Variants in SKIC3 observed in about 807,000 individuals in gnomAD.
SKIC3 encodes SKI3 subunit of superkiller complex.
the SKIC3 span, among the ~76,000 whole-genome samples, chr5:95,499,748 A>T: frequency 1.3e-5 from 2 of 152,184 alleles, no homozygotes; most frequent in African/African-American, 4.8e-5. Flanking sequence ...AGCACTTTAC[A>T]TAATAAGTAC....
At chr5:95,469,036 CT>C in the SKIC3 span, among the ~76,000 whole-genome samples, 2 of 152,098 alleles carry the variant, frequency 1.3e-5, no homozygotes, top group African/African-American at 4.8e-5. Context: ...TGTGATGTGT[CT>C]TTTGCTACAT....
chr5:95,530,053 A>G, the SKIC3 span: 20 of 1,607,826 alleles, frequency 1.2e-5, no homozygotes, highest in African/African-American at 2.3e-4. Flanking sequence ...AATAATAATT[A>G]TACTTCACGT....
At chr5:95,485,825 G>A in the SKIC3 span, among the ~76,000 whole-genome samples, 1 of 152,152 alleles carries the variant, frequency 6.6e-6, no homozygotes, top group Non-Finnish European at 1.5e-5. Flanking sequence ...TCACACTTCA[G>A]ATATATTATC....
chr5:95,540,634 A>C, the SKIC3 span: 2 of 1,600,722 alleles, frequency 1.2e-6, no homozygotes, highest in Admixed American at 3.3e-5. Flanking sequence ...CATTTTCTAA[A>C]TTCAATTAAA....
the SKIC3 span, among the ~76,000 whole-genome samples, chr5:95,524,163 AT>A: frequency 1.3e-5 from 2 of 152,238 alleles, no homozygotes; most frequent in African/African-American, 4.8e-5. Flanking sequence ...AAAAACAGGA[AT>A]TTAAACATCT....
chr5:95,464,495 T>C, the SKIC3 span: 832 of 844,268 alleles, frequency 9.9e-4, 6 homozygotes, highest in African/African-American at 0.012. Flanking sequence ...TAGATTCCTT[T>C]AGAAAAGGAA....
the SKIC3 span, among the ~76,000 whole-genome samples, chr5:95,518,645 C>CT: frequency 6.6e-6 from 1 of 151,946 alleles, no homozygotes; most frequent in African/African-American, 2.4e-5. Flanking sequence ...GCATTTCATT[C>CT]TTTTTTATGG....
chr5:95,476,311 T>A, the SKIC3 span, among the ~76,000 whole-genome samples: 1 of 152,160 alleles, frequency 6.6e-6, no homozygotes, highest in African/African-American at 2.4e-5. Context: ...TGGAGGATTC[T>A]ATATGCTACA....
chr5:95,553,005 AC>A, the SKIC3 span, among the ~76,000 whole-genome samples: 1 of 142,734 alleles, frequency 7.0e-6, no homozygotes, highest in Middle Eastern at 3.6e-3. Flanking sequence ...TTTTAATGAG[AC>A]CTATATAAAT....
chr5:95,475,632 A>G, the SKIC3 span, among the ~76,000 whole-genome samples: 1 of 152,228 alleles, frequency 6.6e-6, no homozygotes, highest in African/African-American at 2.4e-5. Flanking sequence ...GCAATGCAAC[A>G]GACGAATACA....
chr5:95,506,876 G>A, the SKIC3 span: 1 of 1,552,556 alleles, frequency 6.4e-7, no homozygotes, highest in Non-Finnish European at 8.9e-7. Context: ...CAGTCCCATA[G>A]CTTTCACCAG....
the SKIC3 span, chr5:95,516,673 A>G: frequency 6.2e-7 from 1 of 1,613,334 alleles, no homozygotes; most frequent in Non-Finnish European, 8.5e-7. Flanking sequence ...AATTCTCACC[A>G]CTGTAACATG....
chr5:95,490,964 G>C, the SKIC3 span: 729 of 1,614,088 alleles, frequency 4.5e-4, 4 homozygotes, highest in African/African-American at 8.0e-3. Flanking sequence ...CTTTGGCTGA[G>C]TGTTGTTCAC....
the SKIC3 span, chr5:95,543,201 G>T: frequency 3.1e-6 from 5 of 1,613,912 alleles, no homozygotes; most frequent in Non-Finnish European, 4.2e-6. Flanking sequence ...GCTAGTAATT[G>T]GTCTGGCTCT....
the SKIC3 span, among the ~76,000 whole-genome samples, chr5:95,485,517 T>G: frequency 6.6e-6 from 1 of 152,220 alleles, no homozygotes; most frequent in Non-Finnish European, 1.5e-5. Context: ...ATCATTTTTA[T>G]GTATTGCTGG....
the SKIC3 span, among the ~76,000 whole-genome samples, chr5:95,467,267 T>C: frequency 6.6e-6 from 1 of 152,150 alleles, no homozygotes; most frequent in Non-Finnish European, 1.5e-5. Context: ...AATAGAGAGA[T>C]ATATAAAAAT....
At chr5:95,519,921 G>A in the SKIC3 span, among the ~76,000 whole-genome samples, 11 of 151,986 alleles carry the variant, frequency 7.2e-5, no homozygotes, top group Non-Finnish European at 1.5e-4. Context: ...CATTATGTGA[G>A]ACTTGAAAAG....
At chr5:95,477,247 C>T in the SKIC3 span, among the ~76,000 whole-genome samples, 20 of 152,076 alleles carry the variant, frequency 1.3e-4, no homozygotes, top group Non-Finnish European at 1.9e-4. Flanking sequence ...TTATAGAGAA[C>T]CCCCTATGCA....
At chr5:95,518,428 G>T in the SKIC3 span, among the ~76,000 whole-genome samples, 2 of 151,906 alleles carry the variant, frequency 1.3e-5, no homozygotes, top group South Asian at 4.1e-4. Context: ...GTAATTTTGT[G>T]TCCTTTAACA....
Sources: allele counts gnomAD v4.1 joint callset (sites outside exome capture counted in the v4.1 genomes callset), GRCh38; gene constraint gnomAD v4.1.1; transcripts MANE v1.5; gene names NCBI Gene and HGNC (gene_info 2026-07-23, HGNC 2026-07-21).